KCNC1: variants seen among roughly 807,000 people sequenced by gnomAD.
KCNC1 encodes the protein potassium voltage-gated channel subfamily C member 1.
In KCNC1, 8 loss-of-function variants were observed where a neutral mutation model predicts 43.4. The ratio of observed to expected loss-of-function variants is 0.18; its 90% CI spans 0.11 to 0.33. The LOEUF is 0.33. Among genes scored for constraint, KCNC1 ranks in the 10% least tolerant of loss-of-function variants. The probability of loss-of-function intolerance (pLI) is 1.00; values close to 1 mark genes in which losing one functional copy is unlikely to be tolerated. For synonymous variants in KCNC1, 361 were observed against 360.5 expected, an observed-to-expected ratio of 1.00 and a Z score of -0.01; for missense variants, 420 against 836.0, an observed-to-expected ratio of 0.50 and a Z score of 6.14.
At chr11:17,775,486 TAGGACCTCTTGGGGGATGCTAGGAGGG>T in intron 2 of KCNC1, 1 of 985,528 alleles carries the variant, frequency 1.0e-6, no homozygotes, top group South Asian at 4.7e-5. Flanking sequence ...CACCTGGTTG[TAGGACCTCTTGGGGGATGCTAGGAGGG>T]CGCCCTGGCA....
intron 1 of KCNC1, among the ~76,000 whole-genome samples, chr11:17,762,069 C>T (rs1309370381): frequency 6.6e-5 from 10 of 152,212 alleles, no homozygotes; most frequent in Admixed American, 3.3e-4. Context: ...CCGGCCCCAT[C>T]CCACGGGATC....
rs1590089224 is a variant in KCNC1 at position 17,736,665 on chromosome 11, A to G, written c.570+93A>G. 24 of 1,435,174 alleles carry G rather than the reference A, an allele frequency of 1.7e-5. No individual in the cohort carries two copies. In the South Asian group the frequency reaches 3.5e-4, roughly 21 times the overall value. The allele number at this position is 1,435,174 out of a possible 1,614,324, so 88.9% of individuals were successfully genotyped here. On this transcript the variant is annotated intron_variant, in intron 1 of 3. Coordinates refer to ENST00000265969, the MANE Select transcript of KCNC1 (RefSeq NM_001112741.2). This position sits in a 1 kb window ranked among gnomAD's most constrained non-coding sequence, Gnocchi z 9.3. ...GGGGTGGACCGGAGAACTGGCGCCTAGGGAGTTCAGAATCGAAAGGGGGTG... is the reference window on the plus strand; with the variant it reads ...GGGGTGGACCGGAGAACTGGCGCCTGGGGAGTTCAGAATCGAAAGGGGGTG...
At chr11:17,763,167 C>T (rs781322242) in intron 1 of KCNC1, among the ~76,000 whole-genome samples, 20 of 152,020 alleles carry the variant, frequency 1.3e-4, no homozygotes, top group Non-Finnish European at 2.4e-4. Flanking sequence ...TGCGCCGGGA[C>T]GCTGCCTTTT....
chr11:17,740,171 C>T (rs554950456), intron 1 of KCNC1, among the ~76,000 whole-genome samples: 14 of 152,252 alleles, frequency 9.2e-5, no homozygotes, highest in East Asian at 5.8e-4. Flanking sequence ...GCAAGAGTGC[C>T]GGCTGCTGGC....
intron 1 of KCNC1, among the ~76,000 whole-genome samples, chr11:17,741,836 T>G (rs1848846140): frequency 6.6e-6 from 1 of 152,176 alleles, no homozygotes; most frequent in African/African-American, 2.4e-5. Context: ...TACCCTGCCT[T>G]CTGGAGCGCT....
At chr11:17,767,951 C>G (rs1170134735) in intron 1 of KCNC1, among the ~76,000 whole-genome samples, 1 of 152,210 alleles carries the variant, frequency 6.6e-6, no homozygotes, top group Non-Finnish European at 1.5e-5. Flanking sequence ...TCTTATAAGG[C>G]CTGAGTTTTC....
chr11:17,760,065 T>C (rs1399566759), intron 1 of KCNC1, among the ~76,000 whole-genome samples: 1 of 152,196 alleles, frequency 6.6e-6, no homozygotes, highest in Non-Finnish European at 1.5e-5. Flanking sequence ...CTTATTCCAA[T>C]CTGTGGCTTT....
At position 17,779,691 on chromosome 11, in the gene KCNC1, C is replaced by T. The variant is rs561866909; in HGVS notation, c.1693+47C>T. On this transcript the variant is annotated intron_variant, in intron 3 of 3. Transcript: ENST00000265969. The surrounding 1 kb of genome is among the most constrained non-coding windows in gnomAD (Gnocchi z 7.2). ...ACCGTGCATCGTCCGGGCCGCCTCG[C>T]GCTCCTGCAGATGGGTGGGCAGGGC... The T allele has an allele frequency of 2.7e-5, 37 of 1,390,106 alleles. No homozygotes were observed. In the South Asian group the frequency reaches 3.3e-4, roughly 13 times the overall value. 86.1% of individuals were successfully genotyped at this position (1,390,106 alleles called of 1,614,324 possible).
rs1173412323 is a variant in KCNC1, at chr11:17,781,512, C to T, written c.1694-158C>T. 3.3e-6 allele frequency: 2 copies of T among 612,760 alleles called. No homozygotes were observed. Among genetic ancestry groups the T allele is most frequent in the Non-Finnish European group, 5.9e-6 (2 of 340,782 alleles). The allele number at this position is 612,760 out of a possible 1,614,324, so 38.0% of individuals were successfully genotyped here. On this transcript the variant is annotated intron_variant, in intron 3 of 3. Transcript: ENST00000265969. This position sits in a 1 kb window ranked among gnomAD's most constrained non-coding sequence, Gnocchi z 5.1. ...GAGAGAAAGAGGCGTGCTAGGCTGGCTCAGTGCATGGGCAAACCAAGCCAG... is the reference window on the plus strand; with the variant it reads ...GAGAGAAAGAGGCGTGCTAGGCTGGTTCAGTGCATGGGCAAACCAAGCCAG...
chr11:17,749,650 G>A (rs1445209539), intron 1 of KCNC1, among the ~76,000 whole-genome samples: 1 of 152,208 alleles, frequency 6.6e-6, no homozygotes, highest in Non-Finnish European at 1.5e-5. Context: ...CCACCTGCTG[G>A]GCCACCTGGA....
chr11:17,744,444 C>T (rs1256068004), intron 1 of KCNC1, among the ~76,000 whole-genome samples: 1 of 152,126 alleles, frequency 6.6e-6, no homozygotes, highest in Non-Finnish European at 1.5e-5. Context: ...CCTGTCCTCA[C>T]TCATTCATTC....
In KCNC1 at chr11:17,736,059, C is replaced by T; in HGVS notation, c.57C>T (p.His19=). 1 of 1,587,716 alleles carries T rather than the reference C, an allele frequency of 6.3e-7. No homozygotes were observed. The change falls in exon 1 of 4, where the codon CAC becomes CAT. Residue 19 remains histidine, a synonymous_variant. Coordinates refer to ENST00000265969, the MANE Select transcript of KCNC1 (RefSeq NM_001112741.2). The surrounding 1 kb of genome is among the most constrained non-coding windows in gnomAD (Gnocchi z 9.3). ...TGATCAACGTGGGCGGCACGCGCCA[C>T]CAGACGTACCGCTCGACCCTGCGCA... ...RIVINVGGTR[H]QTYRSTLRTL...
At chr11:17,745,785 C>T (rs913312648) in intron 1 of KCNC1, among the ~76,000 whole-genome samples, 1 of 152,184 alleles carries the variant, frequency 6.6e-6, no homozygotes, top group Non-Finnish European at 1.5e-5. Context: ...TATCAGCTCT[C>T]ACACCCCCTC....
intron 1 of KCNC1, among the ~76,000 whole-genome samples, chr11:17,743,158 C>T (rs186147310): frequency 5.9e-5 from 9 of 152,342 alleles, no homozygotes; most frequent in East Asian, 3.9e-4. Context: ...TATACTATCA[C>T]GCCAATGACA....
chr11:17,738,763 C>T (rs1360109573), intron 1 of KCNC1, among the ~76,000 whole-genome samples: 2 of 152,236 alleles, frequency 1.3e-5, no homozygotes, highest in Non-Finnish European at 2.9e-5. Context: ...TGAATGCTCA[C>T]TGAAGAGCGG....
At chr11:17,756,558 C>CAA (rs941789226) in intron 1 of KCNC1, among the ~76,000 whole-genome samples, 7 of 148,790 alleles carry the variant, frequency 4.7e-5, no homozygotes, top group African/African-American at 1.7e-4. Context: ...CACACACACA[C>CAA]GCATGTACAT....
At position 17,771,020 on chromosome 11, in the gene KCNC1, AG is replaced by A. The variant is rs1442702698; in HGVS notation, c.571-640del. On this transcript the variant is annotated intron_variant, in intron 1 of 3. Coordinates refer to ENST00000265969, the MANE Select transcript of KCNC1 (RefSeq NM_001112741.2). This position sits in a 1 kb window ranked among gnomAD's most constrained non-coding sequence, Gnocchi z 4.7. ...TGCAAGTTCCTAGGAAGACAGAGAG[AG>A]GGGGTACATTTTAAAAAGCTGTCTA... Among the ~76,000 whole-genome samples, 2 of 152,188 alleles carry A rather than the reference AG, an allele frequency of 1.3e-5. No homozygotes were observed. Among genetic ancestry groups the A allele is most frequent in the African/African-American group, 2.4e-5 (1 of 41,426 alleles).
intron 1 of KCNC1, among the ~76,000 whole-genome samples, chr11:17,768,842 C>T (rs1441400757): frequency 6.6e-6 from 1 of 152,240 alleles, no homozygotes; most frequent in Non-Finnish European, 1.5e-5. Flanking sequence ...GGGCTGTGAA[C>T]GCCAAGCTCC....
intron 1 of KCNC1, among the ~76,000 whole-genome samples, chr11:17,747,437 G>A (rs546922396): frequency 2.6e-5 from 4 of 152,344 alleles, no homozygotes; most frequent in African/African-American, 9.6e-5. Context: ...CTCAGATGCC[G>A]ACAAGTGTGC....
Sources: allele counts gnomAD v4.1 joint callset (sites outside exome capture counted in the v4.1 genomes callset), GRCh38; gene constraint gnomAD v4.1.1; non-coding constraint Gnocchi (gnomAD v3.1); transcripts MANE v1.5; gene names NCBI Gene and HGNC (gene_info 2026-07-23, HGNC 2026-07-21).